Variants in MS4A4E observed in about 807,000 individuals in gnomAD.
MS4A4E encodes putative membrane-spanning 4-domains subfamily A member 4E.
MS4A4E carries 23 observed loss-of-function variants against 13.3 expected under a neutral mutation model. The observed-to-expected ratio is 1.73, with a 90% confidence interval of 1.25 to 2.45. The LOEUF is 2.45. MS4A4E is among the 30% of genes most tolerant of loss of function. MS4A4E has a pLI of 0.00. For synonymous variants in MS4A4E, 36 were observed against 45.6 expected, an observed-to-expected ratio of 0.79 and a Z score of 0.85; for missense variants, 144 against 131.2, an observed-to-expected ratio of 1.10 and a Z score of -0.48.
In MS4A4E at chr11:60,225,072, A is replaced by G. The variant is rs1441457150; in HGVS notation, c.178+3522T>C. 1.9e-6 allele frequency: 3 copies of G among 1,558,726 alleles called. No homozygotes were observed. In the East Asian group the frequency reaches 6.8e-5, roughly 36 times the overall value. ...ATTATTCCCATGCTAAGGCTCATCA[A>G]GGCAATCAGAATCCGCACAACCTAG... is the stretch of plus-strand genomic sequence containing the variant. On this transcript the variant is annotated intron_variant, in intron 3 of 8. Transcript: ENST00000651255.
chr11:60,230,015 GC>G lies in MS4A4E; in HGVS notation c.40del (p.Ala14LeufsTer11). The G allele has an allele frequency of 1.2e-6, 2 of 1,613,042 alleles. No individual in the cohort carries two copies. Among genetic ancestry groups the G allele is most frequent in the Non-Finnish European group, 1.7e-6 (2 of 1,179,484 alleles). On this transcript the variant is annotated frameshift_variant, in exon 2 of 9. Transcript: ENST00000651255. LOFTEE classifies it high-confidence loss of function. ...TCCCAGCTGGGGCACATCAGGGCCA[GC>G]CCCTGGAGTGGTCTGTTCCATTCCT... Reference protein sequence around the residue: ...MQGMEQTTPGAGPDVPQLGNI... With the variant: ...MQGMEQTTPGXGPDVPQLGNI...
chr11:60,212,338 C>T (rs1353947635), intron 5 of MS4A4E, among the ~76,000 whole-genome samples: 1 of 141,610 alleles, frequency 7.1e-6, no homozygotes, highest in Non-Finnish European at 1.5e-5. Context: ...GAGACAGAGT[C>T]TCACTCTTTC....
chr11:60,207,397 G>A (rs1015351421), intron 6 of MS4A4E, among the ~76,000 whole-genome samples: 1 of 152,142 alleles, frequency 6.6e-6, no homozygotes, highest in East Asian at 1.9e-4. Context: ...TTCACTTGAT[G>A]AAATTACAAA....
At chr11:60,210,662 T>G (rs1590707003) in intron 5 of MS4A4E, among the ~76,000 whole-genome samples, 2 of 152,320 alleles carry the variant, frequency 1.3e-5, no homozygotes, top group East Asian at 3.9e-4. Flanking sequence ...CCAAAGTTCC[T>G]TTGTGGTAGG....
At chr11:60,239,282 G>T (rs1013910551) in intron 1 of MS4A4E, among the ~76,000 whole-genome samples, 2 of 152,146 alleles carry the variant, frequency 1.3e-5, no homozygotes, top group African/African-American at 4.8e-5. Context: ...AATAGCACAG[G>T]TAAACATTTA....
intron 6 of MS4A4E, among the ~76,000 whole-genome samples, chr11:60,207,371 A>T (rs2084061481): frequency 6.6e-6 from 1 of 152,212 alleles, no homozygotes; most frequent in Admixed American, 6.5e-5. Context: ...CTTAAATATC[A>T]TGACATGAAA....
intron 6 of MS4A4E, among the ~76,000 whole-genome samples, chr11:60,206,222 G>A (rs544655065): frequency 1.6e-4 from 25 of 152,014 alleles, no homozygotes; most frequent in Non-Finnish European, 2.2e-4. Context: ...GGGAGCAGAA[G>A]TATGTGTTTT....
In MS4A4E at chr11:60,242,419, A is replaced by C. The variant is rs73485347; in HGVS notation, c.-17+539T>G. 4.8e-3 allele frequency among the ~76,000 whole-genome samples: 728 copies of C among 152,298 alleles called. 4 individuals carry two copies. Among genetic ancestry groups the C allele is most frequent in the African/African-American group, 0.017 (713 of 41,558 alleles). On this transcript the variant is annotated intron_variant, in intron 1 of 8. Transcript: ENST00000651255. ...TTTACTGCCTGGGTGCCACATGAAT[A>C]GTGCCAAAGACCACTGGAGAACTAC...
chr11:60,214,723 T>C, intron 3 of MS4A4E, 109 bp from the exon 4 acceptor site: 2 of 565,182 alleles, frequency 3.5e-6, no homozygotes, highest in East Asian at 6.5e-5. Context: ...TAGATATGTA[T>C]AAACAGGTCA....
At position 60,232,961 on chromosome 11, in the gene MS4A4E, T is replaced by A. The variant is rs1399601266; in HGVS notation, c.-16-2890A>T. Among the ~76,000 whole-genome samples, 26 of 152,050 alleles carry A rather than the reference T, an allele frequency of 1.7e-4. 1 individual carries two copies. Among genetic ancestry groups the A allele is most frequent in the Admixed American group, 1.7e-3 (26 of 15,264 alleles). ...CTCCAAACTCAAGTTGAAACTGTGCTCCACTCTCTGGGCACCCATAGCTTT... is the reference window on the plus strand; with the variant it reads ...CTCCAAACTCAAGTTGAAACTGTGCACCACTCTCTGGGCACCCATAGCTTT... On this transcript the variant is annotated intron_variant, in intron 1 of 8. Coordinates refer to ENST00000651255, the MANE Select transcript of MS4A4E (RefSeq NM_001393391.1).
At chr11:60,241,708 C>A (rs968500425) in intron 1 of MS4A4E, among the ~76,000 whole-genome samples, 10 of 152,146 alleles carry the variant, frequency 6.6e-5, no homozygotes, top group African/African-American at 9.7e-5. Flanking sequence ...TTACAAGACT[C>A]CACTTCTCTA....
intron 3 of MS4A4E, among the ~76,000 whole-genome samples, chr11:60,219,785 G>T (rs1219310313): frequency 6.6e-6 from 1 of 152,180 alleles, no homozygotes; most frequent in Non-Finnish European, 1.5e-5. Flanking sequence ...GGAACTACTG[G>T]ACACTGACTC....
At chr11:60,234,787 C>A (rs10897018) in intron 1 of MS4A4E, among the ~76,000 whole-genome samples, 22,513 of 69,360 alleles carry the variant, frequency 0.32, 2,043 homozygotes, top group African/African-American at 0.41. Flanking sequence ...ACCCCCCCCC[C>A]CAAAATAACA....
chr11:60,214,454 T>G (rs536666256), intron 4 of MS4A4E, 117 bp downstream of exon 4: 2 of 572,840 alleles, frequency 3.5e-6, no homozygotes, highest in East Asian at 6.6e-5. Context: ...CTAAGTAAAA[T>G]GCATAGTTGC....
chr11:60,212,514 T>C (rs2084135525), intron 5 of MS4A4E, among the ~76,000 whole-genome samples: 1 of 152,128 alleles, frequency 6.6e-6, no homozygotes. Flanking sequence ...TTTCACCATG[T>C]TAGCCAGGAT....
intron 1 of MS4A4E, among the ~76,000 whole-genome samples, chr11:60,239,343 T>A (rs987454410): frequency 6.6e-6 from 1 of 152,214 alleles, no homozygotes. Flanking sequence ...ACTATTATTA[T>A]TGGTCTTCCT....
intron 1 of MS4A4E, among the ~76,000 whole-genome samples, chr11:60,240,711 C>T (rs563986978): frequency 5.5e-4 from 83 of 152,124 alleles, no homozygotes; most frequent in Non-Finnish European, 8.5e-4. Flanking sequence ...ATGTTGAGCC[C>T]GTTTGCAGGA....
chr11:60,240,109 A>C (rs2084529923), intron 1 of MS4A4E, among the ~76,000 whole-genome samples: 1 of 152,248 alleles, frequency 6.6e-6, no homozygotes, highest in Non-Finnish European at 1.5e-5. Context: ...AGATTACTTC[A>C]GAACACTACA....
At chr11:60,225,141 C>T in intron 3 of MS4A4E, 2 of 1,427,958 alleles carry the variant, frequency 1.4e-6, no homozygotes, top group Middle Eastern at 1.8e-4. Context: ...AAAAATGGTG[C>T]TTATGCCACT....
Sources: gnomAD v4.1 joint callset for allele counts (sites outside exome capture counted in the v4.1 genomes callset) on GRCh38, gnomAD v4.1.1 for gene constraint, MANE v1.5 for transcripts, NCBI Gene and HGNC (gene_info 2026-07-23, HGNC 2026-07-21) for gene names.